The following COP1 variants were observed in gnomAD, a reference collection of about 807,000 sequenced individuals.
COP1 encodes the protein E3 ubiquitin-protein ligase COP1.
COP1 carries 24 observed loss-of-function variants against 101.3 expected under a neutral mutation model. That is an observed-to-expected ratio of 0.24 (90% CI 0.17 to 0.33). The LOEUF is 0.33. Among genes scored for constraint, COP1 ranks in the 10% least tolerant of loss-of-function variants. The pLI is 1.00. For missense variants in COP1, 663 were observed against 906.2 expected (o/e 0.73, Z 3.45); for synonymous variants, 347 against 341.9 (o/e 1.01, Z -0.17).
chr1:175,971,670 A>C (rs1199123152), intron 18 of COP1, among the ~76,000 whole-genome samples: 1 of 152,204 alleles, frequency 6.6e-6, no homozygotes, highest in Non-Finnish European at 1.5e-5. Flanking sequence ...CCATTGTAAT[A>C]AATCAGTCAA....
intron 15 of COP1, among the ~76,000 whole-genome samples, chr1:176,001,575 G>A (rs933510685): frequency 6.6e-6 from 1 of 152,070 alleles, no homozygotes; most frequent in Admixed American, 6.6e-5. Flanking sequence ...AGCCGCAAGT[G>A]CCACCAGCAA....
chr1:176,126,893 C>G (rs560876140), intron 8 of COP1, among the ~76,000 whole-genome samples: 1 of 152,090 alleles, frequency 6.6e-6, no homozygotes, highest in African/African-American at 2.4e-5. Flanking sequence ...ATAATTACTA[C>G]AGTTTTTGGA....
rs886067816 is a variant in COP1 at position 176,051,928 on chromosome 1, T to A, written c.1278-5604A>T. Among the ~76,000 whole-genome samples the A allele has an allele frequency of 7.2e-5, 11 of 152,170 alleles. No individual in the cohort carries two copies. In the Middle Eastern group the frequency reaches 0.01, roughly 141 times the overall value. ...AAAAAATCACAAAGTCAAAAAAAAA[T>A]TTTTAAGTTATAAAATAAAAAGGTT... On this transcript the variant is annotated intron_variant, in intron 11 of 19. Coordinates refer to ENST00000367669, the MANE Select transcript of COP1 (RefSeq NM_022457.7).
intron 2 of COP1, 45 bp from the exon 3 acceptor site, chr1:176,176,052 A>G (rs1301175506): frequency 1.1e-6 from 1 of 904,060 alleles, no homozygotes; most frequent in Non-Finnish European, 1.8e-6. Flanking sequence ...AATCAATGAA[A>G]AATTAATAAA....
intron 18 of COP1, chr1:175,982,230 C>T (rs917712190): frequency 1.5e-5 from 5 of 323,100 alleles, no homozygotes; most frequent in Non-Finnish European, 1.9e-5. Flanking sequence ...AAAACATGCA[C>T]ACTCTTTTAT....
intron 18 of COP1, among the ~76,000 whole-genome samples, chr1:175,953,779 A>AC (rs1650262111): frequency 6.7e-6 from 1 of 149,202 alleles, no homozygotes; most frequent in Admixed American, 6.7e-5. Flanking sequence ...AAAAAAAAAA[A>AC]CTCCTATATA....
At chr1:175,993,269 G>C (rs112830682) in intron 15 of COP1, among the ~76,000 whole-genome samples, 3 of 152,246 alleles carry the variant, frequency 2.0e-5, no homozygotes, top group African/African-American at 7.2e-5. Context: ...AAGACCAAAA[G>C]TAGATAAAAC....
At chr1:176,108,032 G>T (rs2149540139) in intron 9 of COP1, among the ~76,000 whole-genome samples, 1 of 22,232 alleles carries the variant, frequency 4.5e-5, no homozygotes, top group Non-Finnish European at 4.2e-4. Context: ...TCCTGGACCA[G>T]ATTTTTTTTT....
At position 176,046,255 on chromosome 1, in the gene COP1, T is replaced by C; in HGVS notation, c.1347A>G (p.Glu449=). ...CTGCATCCTGGATGACAGTGTCATATTCATAGACTTTAATCTTCTTTGTAA... is the reference window on the plus strand; with the variant it reads ...CTGCATCCTGGATGACAGTGTCATACTCATAGACTTTAATCTTCTTTGTAA... ...AGVTKKIKVY[E]YDTVIQDAVD... The change falls in exon 12 of 20, where the codon GAA becomes GAG. Residue 449 remains glutamate, a synonymous_variant. Transcript: ENST00000367669. 6.2e-7 allele frequency: 1 copy of C among 1,610,768 alleles called. No individual in the cohort carries two copies.
At chr1:175,967,301 C>T (rs1263812394) in intron 18 of COP1, among the ~76,000 whole-genome samples, 5 of 152,144 alleles carry the variant, frequency 3.3e-5, no homozygotes, top group South Asian at 2.1e-4. Context: ...CGTGAGCCAC[C>T]GCGCCGTTGA....
intron 9 of COP1, among the ~76,000 whole-genome samples, chr1:176,101,320 C>T (rs780429435): frequency 1.3e-4 from 20 of 152,134 alleles, no homozygotes; most frequent in African/African-American, 3.9e-4. Context: ...CCTGGGGCAC[C>T]GTGCTCCTCT....
At chr1:175,947,894 T>C (rs913637056) in intron 18 of COP1, among the ~76,000 whole-genome samples, 1 of 152,140 alleles carries the variant, frequency 6.6e-6, no homozygotes. Context: ...AGTGAATAAT[T>C]GCTTTCCCAG....
chr1:176,178,882 G>A (rs1023421615), intron 2 of COP1, among the ~76,000 whole-genome samples: 29 of 151,282 alleles, frequency 1.9e-4, no homozygotes, highest in Non-Finnish European at 4.0e-4. Flanking sequence ...AAAAAGGTAA[G>A]AGACATGCCG....
chr1:176,152,593 T>C (rs1558215300), intron 5 of COP1, among the ~76,000 whole-genome samples: 1 of 151,996 alleles, frequency 6.6e-6, no homozygotes, highest in Admixed American at 6.6e-5. Context: ...GATTACACAT[T>C]CGCACCACCA....
intron 11 of COP1, among the ~76,000 whole-genome samples, chr1:176,076,235 C>T (rs1175840827): frequency 6.6e-6 from 1 of 151,864 alleles, no homozygotes; most frequent in Non-Finnish European, 1.5e-5. Flanking sequence ...AAGCAAGTCT[C>T]AATAAATTAA....
intron 18 of COP1, among the ~76,000 whole-genome samples, chr1:175,948,205 C>T (rs1430470810): frequency 2.0e-5 from 3 of 152,174 alleles, no homozygotes; most frequent in Non-Finnish European, 4.4e-5. Flanking sequence ...AAGAAATGGA[C>T]ATGACTGAGT....
chr1:176,043,057 T>C, intron 14 of COP1, 129 bp downstream of exon 14: 1 of 651,524 alleles, frequency 1.5e-6, no homozygotes, highest in South Asian at 2.0e-5. Context: ...ACATGGGGAA[T>C]AATAATAATC....
intron 15 of COP1, among the ~76,000 whole-genome samples, chr1:175,999,077 C>T (rs1660972976): frequency 1.3e-5 from 2 of 151,860 alleles, no homozygotes; most frequent in African/African-American, 4.8e-5. Flanking sequence ...CAGTTTTCAA[C>T]CCATGATGGT....
chr1:176,080,844 T>C (rs1033985399), intron 11 of COP1, among the ~76,000 whole-genome samples: 13 of 152,112 alleles, frequency 8.5e-5, no homozygotes, highest in African/African-American at 2.7e-4. Flanking sequence ...ACCAATTCTA[T>C]ACAAACTTAC....
Sources: gnomAD v4.1 joint callset for allele counts (sites outside exome capture counted in the v4.1 genomes callset) on GRCh38, gnomAD v4.1.1 for gene constraint, MANE v1.5 for transcripts, NCBI Gene and HGNC (gene_info 2026-07-23, HGNC 2026-07-21) for gene names.